SLC39A10: variants seen among roughly 807,000 people sequenced by gnomAD.
SLC39A10 encodes the protein solute carrier family 39 member 10.
A neutral mutation model predicts 65.1 loss-of-function variants in SLC39A10; 13 were observed. The observed-to-expected ratio is 0.20, with a 90% CI of 0.13 to 0.32. The LOEUF (loss-of-function observed/expected upper bound fraction) is 0.32. SLC39A10 is among the 10% of genes least tolerant of loss of function. SLC39A10 has a pLI of 1.00. For missense variants in SLC39A10, 831 were observed against 1,018.4 expected (o/e 0.82, Z 2.50); for synonymous variants, 321 against 342.2 (o/e 0.94, Z 0.68).
At chr2:195,701,335 G>T (rs1329229233) in intron 3 of SLC39A10, among the ~76,000 whole-genome samples, 1 of 61,694 alleles carries the variant, frequency 1.6e-5, no homozygotes, top group Non-Finnish European at 3.5e-5. Flanking sequence ...TTATCTTCTT[G>T]ACTTTTTTTT....
chr2:195,679,030 A>C (rs754266804), intron 1 of SLC39A10, among the ~76,000 whole-genome samples: 4 of 152,188 alleles, frequency 2.6e-5, no homozygotes, highest in Non-Finnish European at 4.4e-5. Context: ...ACGTTGTCCA[A>C]CATACTAGCC....
chr2:195,665,302 G>T (rs1004775837), intron 1 of SLC39A10, among the ~76,000 whole-genome samples: 1 of 152,182 alleles, frequency 6.6e-6, no homozygotes, highest in East Asian at 1.9e-4. Context: ...GGGTGACAGA[G>T]CGAGACTCTG....
At chr2:195,708,579 T>A in intron 4 of SLC39A10, 77 bp from the exon 5 acceptor site, 1 of 1,109,272 alleles carries the variant, frequency 9.0e-7, no homozygotes, top group Non-Finnish European at 1.2e-6. Context: ...TTTAGGAGAT[T>A]ATAATTATTA....
At chr2:195,706,904 A>G in intron 4 of SLC39A10, 119 bp downstream of exon 4, 1 of 649,246 alleles carries the variant, frequency 1.5e-6, no homozygotes, top group East Asian at 3.5e-5. Context: ...ATTTGCTTAT[A>G]GGATGAAGTA....
chr2:195,641,632 A>G (rs910364949), intron 2 of SLC39A10, among the ~76,000 whole-genome samples: 2 of 151,596 alleles, frequency 1.3e-5, no homozygotes, highest in African/African-American at 4.8e-5. Flanking sequence ...GCCAGATTTC[A>G]TGTGCTCAAT....
chr2:195,663,759 G>C (rs1273066201), intron 1 of SLC39A10, among the ~76,000 whole-genome samples: 3 of 150,210 alleles, frequency 2.0e-5, no homozygotes, highest in Admixed American at 6.6e-5. Flanking sequence ...AAAAGATTTG[G>C]GTTTTAAATT....
At chr2:195,667,411 G>C (rs1689675135) in intron 1 of SLC39A10, among the ~76,000 whole-genome samples, 1 of 152,192 alleles carries the variant, frequency 6.6e-6, no homozygotes, top group Admixed American at 6.5e-5. Flanking sequence ...AACTGGTAAG[G>C]TGTAGTGAGT....
rs181391530 is a variant in SLC39A10 at position 195,675,711 on chromosome 2, C to T, written c.-11-4321C>T. ...CCTCCCAAAGTGCTGGGATTACAGG[C>T]GTGAGCCACCATGCCTGGCCCCAGT... On this transcript the variant is annotated intron_variant, in intron 1 of 9. Coordinates refer to ENST00000359634, the MANE Select transcript of SLC39A10 (RefSeq NM_020342.3). Among the ~76,000 whole-genome samples, 670 of 152,254 alleles carry T rather than the reference C, an allele frequency of 4.4e-3. 5 individuals are homozygous for T. The highest frequency in any genetic ancestry group is 7.8e-3 in the Non-Finnish European group (533 of 68,018).
At chr2:195,651,918 TA>T (rs372434682), upstream of SLC39A10, among the ~76,000 whole-genome samples, 22 of 152,346 alleles carry the variant, frequency 1.4e-4, no homozygotes, top group African/African-American at 4.6e-4. Context: ...TATTTGAAGA[TA>T]TTTTTTTCTG....
chr2:195,638,589 C>T (rs1487119680), intron 2 of SLC39A10, among the ~76,000 whole-genome samples: 1 of 152,076 alleles, frequency 6.6e-6, no homozygotes, highest in Non-Finnish European at 1.5e-5. Context: ...AGTGATCCAC[C>T]CACCTCGGCC....
intron 3 of SLC39A10, among the ~76,000 whole-genome samples, chr2:195,687,152 A>G (rs1690555838): frequency 6.6e-6 from 1 of 152,172 alleles, no homozygotes; most frequent in Non-Finnish European, 1.5e-5. Flanking sequence ...AAGCGCCCTG[A>G]GAGGCCTAGT....
intron 3 of SLC39A10, among the ~76,000 whole-genome samples, chr2:195,703,932 G>C (rs952506102): frequency 6.6e-6 from 1 of 152,160 alleles, no homozygotes; most frequent in African/African-American, 2.4e-5. Flanking sequence ...TGGATTACAG[G>C]CATAAGCAAA....
chr2:195,697,801 C>T (rs1462406204), intron 3 of SLC39A10, among the ~76,000 whole-genome samples: 1 of 152,076 alleles, frequency 6.6e-6, no homozygotes, highest in African/African-American at 2.4e-5. Context: ...ATACGTGCAG[C>T]CAACAAGCAT....
At chr2:195,682,583 A>G (rs991948657) in intron 2 of SLC39A10, among the ~76,000 whole-genome samples, 9 of 152,090 alleles carry the variant, frequency 5.9e-5, no homozygotes, top group Admixed American at 3.3e-4. Context: ...ATTAATTATT[A>G]TGACTTAGGA....
chr2:195,635,505 T>C (rs994618400), intron 2 of SLC39A10, among the ~76,000 whole-genome samples: 2 of 152,218 alleles, frequency 1.3e-5, no homozygotes, highest in African/African-American at 4.8e-5. Flanking sequence ...TGGATAGCAC[T>C]GCCAGTAGTT....
At chr2:195,679,954 C>A in intron 1 of SLC39A10, 78 bp from the exon 2 acceptor site, 1 of 1,250,040 alleles carries the variant, frequency 8.0e-7, no homozygotes, top group South Asian at 2.1e-5. Flanking sequence ...AGTGGATTGG[C>A]AACTTCCAGA....
At chr2:195,661,778 C>T (rs758142449) in intron 1 of SLC39A10, among the ~76,000 whole-genome samples, 6 of 152,116 alleles carry the variant, frequency 3.9e-5, no homozygotes, top group Non-Finnish European at 8.8e-5. Flanking sequence ...ACTGGTGATA[C>T]AGGTTTGCAG....
chr2:195,694,057 A>G (rs1455738298), intron 3 of SLC39A10, among the ~76,000 whole-genome samples: 1 of 152,198 alleles, frequency 6.6e-6, no homozygotes, highest in Non-Finnish European at 1.5e-5. Context: ...CATTGTTGAC[A>G]CAATGACCAT....
chr2:195,638,159 A>C (rs934943004), intron 2 of SLC39A10, among the ~76,000 whole-genome samples: 2 of 152,080 alleles, frequency 1.3e-5, no homozygotes, highest in Non-Finnish European at 2.9e-5. Flanking sequence ...TTATCTACCA[A>C]TTTTTTATAA....
Sources: gnomAD v4.1 joint callset for allele counts (sites outside exome capture counted in the v4.1 genomes callset) on GRCh38, gnomAD v4.1.1 for gene constraint, MANE v1.5 for transcripts, NCBI Gene and HGNC (gene_info 2026-07-23, HGNC 2026-07-21) for gene names.